The following MAP2K1 variants were observed in gnomAD, a reference collection of about 807,000 sequenced individuals.
MAP2K1 encodes the protein dual specificity mitogen-activated protein kinase kinase 1.
A neutral mutation model predicts 46.3 loss-of-function variants in MAP2K1; 16 were observed. The ratio of observed to expected loss-of-function variants is 0.35; its 90% CI spans 0.23 to 0.52. The LOEUF (loss-of-function observed/expected upper bound fraction) is 0.52. MAP2K1 is among the 20% of genes least tolerant of loss of function. The probability of loss-of-function intolerance (pLI) is 0.94; values close to 1 mark genes in which losing one functional copy is unlikely to be tolerated. For missense variants in MAP2K1, 263 were observed against 497.1 expected (o/e 0.53, Z 4.48); for synonymous variants, 183 against 185.6 (o/e 0.99, Z 0.11).
chr15:66,415,273 T>C, intron 1 of MAP2K1: 2 of 367,532 alleles, frequency 5.4e-6, no homozygotes, highest in South Asian at 2.1e-5. Flanking sequence ...AATCACCTTA[T>C]TGGCGTAAAC....
intron 1 of MAP2K1, among the ~76,000 whole-genome samples, chr15:66,414,029 C>T (rs2140541937): frequency 1.4e-5 from 2 of 147,402 alleles, no homozygotes; most frequent in East Asian, 4.1e-4. Flanking sequence ...TCATCTTAGA[C>T]TTGTGAACCT....
At chr15:66,387,822 C>T (rs1277328125) in intron 1 of MAP2K1, among the ~76,000 whole-genome samples, 1 of 152,220 alleles carries the variant, frequency 6.6e-6, no homozygotes, top group Non-Finnish European at 1.5e-5. Flanking sequence ...AAGATCGCAT[C>T]TGTGCTTTTG....
intron 1 of MAP2K1, among the ~76,000 whole-genome samples, chr15:66,399,263 A>G (rs1325988141): frequency 1.3e-5 from 2 of 152,130 alleles, no homozygotes; most frequent in Admixed American, 6.5e-5. Context: ...TATTCTTTCA[A>G]TTTTTCTGTA....
intron 1 of MAP2K1, among the ~76,000 whole-genome samples, chr15:66,423,764 T>C (rs71416255): frequency 0.056 from 8,537 of 151,300 alleles, 348 homozygotes; most frequent in Middle Eastern, 0.11. Context: ...TGCACCACCA[T>C]GCCCGGCTAA....
At chr15:66,441,784 C>G (rs1307647701) in intron 3 of MAP2K1, among the ~76,000 whole-genome samples, 1 of 149,892 alleles carries the variant, frequency 6.7e-6, no homozygotes, top group Non-Finnish European at 1.5e-5. Context: ...CTTACATATA[C>G]AGAGGCATTT....
chr15:66,410,103 C>T (rs959901176), intron 1 of MAP2K1, among the ~76,000 whole-genome samples: 1 of 152,204 alleles, frequency 6.6e-6, no homozygotes, highest in African/African-American at 2.4e-5. Context: ...TGAAGACCTG[C>T]ATCCGGATCC....
At position 66,443,332 on chromosome 15, in the gene MAP2K1, A is replaced by G; in HGVS notation, c.491A>G (p.Gln164Arg). 6.2e-7 allele frequency: 1 copy of G among 1,612,112 alleles called. No individual in the cohort carries two copies. ...AAGAAAGCTGGAAGAATTCCTGAAC[A>G]AATTTTAGGAAAAGTTAGCATTGCT... Reference protein sequence around the residue: ...VLKKAGRIPEQILGKVSIAVI... With the variant: ...VLKKAGRIPERILGKVSIAVI... The change falls in exon 4 of 11, where the codon CAA becomes CGA. Residue 164 changes from glutamine to arginine, a missense_variant. Gln to Arg is a conservative substitution (Grantham distance 43, BLOSUM62 1). Coordinates refer to ENST00000307102, the MANE Select transcript of MAP2K1 (RefSeq NM_002755.4).
chr15:66,479,619 A>G (rs1223593001), intron 5 of MAP2K1, among the ~76,000 whole-genome samples: 1 of 152,170 alleles, frequency 6.6e-6, no homozygotes, highest in Non-Finnish European at 1.5e-5. Context: ...TAGGAGGACT[A>G]CACCAGTGAT....
chr15:66,402,654 T>C (rs1012042099), intron 1 of MAP2K1, among the ~76,000 whole-genome samples: 1 of 152,180 alleles, frequency 6.6e-6, no homozygotes, highest in Non-Finnish European at 1.5e-5. Context: ...TTTGATGCTG[T>C]TGTTATTGAA....
Position 66,489,476 on chromosome 15 carries a change from A to G in MAP2K1, c.1022+200A>G, listed in dbSNP as rs1226321860. 4 of 671,104 alleles carry G rather than the reference A, an allele frequency of 6.0e-6. No individual in the cohort carries two copies. In the Admixed American group the frequency reaches 9.5e-5, roughly 16 times the overall value. 41.6% of individuals were successfully genotyped at this position (671,104 alleles called of 1,614,324 possible). The stretch of plus-strand genomic sequence containing the variant: ...GCATGTCTAACTACATCATGGATGT[A>G]GTAGCTGCTCCTTTTGGTACTTGCT... On this transcript the variant is annotated intron_variant, in intron 9 of 10. Transcript: ENST00000307102.
At chr15:66,481,082 C>G (rs1892902452) in intron 5 of MAP2K1, among the ~76,000 whole-genome samples, 3 of 152,110 alleles carry the variant, frequency 2.0e-5, no homozygotes, top group South Asian at 2.1e-4. Flanking sequence ...CGTTTTGACT[C>G]TGAGGAGCAG....
intron 1 of MAP2K1, among the ~76,000 whole-genome samples, chr15:66,423,972 G>A (rs1389707091): frequency 2.6e-5 from 4 of 151,828 alleles, no homozygotes; most frequent in Admixed American, 1.3e-4. Context: ...AGGCTGGTCT[G>A]GAACTCCTGA....
chr15:66,481,119 C>T (rs1254255488), intron 5 of MAP2K1, among the ~76,000 whole-genome samples: 1 of 152,084 alleles, frequency 6.6e-6, no homozygotes, highest in Non-Finnish European at 1.5e-5. Context: ...ATTCCAGCTC[C>T]AGGTAGCAAG....
intron 1 of MAP2K1, among the ~76,000 whole-genome samples, chr15:66,388,952 G>A (rs1232559324): frequency 7.1e-6 from 1 of 140,202 alleles, no homozygotes; most frequent in Non-Finnish European, 1.5e-5. Context: ...TGTTGCCCAG[G>A]CTGGAGTGCA....
At chr15:66,447,268 C>T (rs1304949018) in intron 5 of MAP2K1, among the ~76,000 whole-genome samples, 1 of 151,564 alleles carries the variant, frequency 6.6e-6, no homozygotes, top group African/African-American at 2.4e-5. Flanking sequence ...GTTAGTCTAA[C>T]TTCTTCCAGA....
intron 1 of MAP2K1, among the ~76,000 whole-genome samples, chr15:66,416,882 C>T (rs2093425861): frequency 6.6e-6 from 1 of 152,148 alleles, no homozygotes; most frequent in East Asian, 1.9e-4. Flanking sequence ...ATGGTACCTC[C>T]TTTCCTTCTG....
intron 4 of MAP2K1, among the ~76,000 whole-genome samples, chr15:66,444,246 A>T (rs1891801945): frequency 7.1e-6 from 1 of 140,668 alleles, no homozygotes; most frequent in African/African-American, 2.7e-5. Flanking sequence ...CTCAGAAAAA[A>T]AAAAAGCCCA....
chr15:66,485,732 C>G (rs1034777949), intron 7 of MAP2K1, among the ~76,000 whole-genome samples: 1 of 152,138 alleles, frequency 6.6e-6, no homozygotes, highest in Admixed American at 6.5e-5. Context: ...TCACATGCCA[C>G]CATGCTCAGC....
At chr15:66,432,959 AGTGTGTGTGTGTGTGTGT>A (rs1164509967) in intron 1 of MAP2K1, among the ~76,000 whole-genome samples, 2 of 131,904 alleles carry the variant, frequency 1.5e-5, no homozygotes, top group Admixed American at 7.8e-5. Context: ...CATCATGCAC[AGTGTGTGTGTGTGTGTGT>A]GTGTGTGTGT....
Sources: allele counts gnomAD v4.1 joint callset (sites outside exome capture counted in the v4.1 genomes callset), GRCh38; gene constraint gnomAD v4.1.1; transcripts MANE v1.5; gene names NCBI Gene and HGNC (gene_info 2026-07-23, HGNC 2026-07-21).